LINGO2: variants seen among roughly 807,000 people sequenced by gnomAD.
LINGO2 encodes leucine-rich repeat and immunoglobulin-like domain-containing nogo receptor-interacting protein 2.
LINGO2 carries 14 observed loss-of-function variants against 30.6 expected under a neutral mutation model. The ratio of observed to expected loss-of-function variants is 0.46; its 90% CI spans 0.30 to 0.72. The LOEUF (loss-of-function observed/expected upper bound fraction) is 0.72. Ranked by LOEUF, LINGO2 falls within the 30% of genes least tolerant of loss-of-function variation. The probability of loss-of-function intolerance (pLI) is 0.07; values close to 1 mark genes in which losing one functional copy is unlikely to be tolerated. For synonymous variants in LINGO2, 317 were observed against 288.5 expected (o/e 1.10, Z -1.00); for missense variants, 729 against 751.7 (o/e 0.97, Z 0.35).
chr9:28,689,827 C>A, the LINGO2 span, among the ~76,000 whole-genome samples: 2 of 152,094 alleles, frequency 1.3e-5, no homozygotes, highest in Non-Finnish European at 2.9e-5. Flanking sequence ...ACCTAAATGA[C>A]CATCAATGAT....
At chr9:29,047,159 C>A in the LINGO2 span, among the ~76,000 whole-genome samples, 1 of 151,632 alleles carries the variant, frequency 6.6e-6, no homozygotes, top group African/African-American at 2.4e-5. Context: ...CCTATGCATC[C>A]AACAAAGGTC....
At chr9:28,829,884 C>T in the LINGO2 span, among the ~76,000 whole-genome samples, 5 of 152,034 alleles carry the variant, frequency 3.3e-5, no homozygotes, top group African/African-American at 1.2e-4. Context: ...AGAGAAACTC[C>T]ATCTCAAAAA....
At chr9:27,987,873 C>T (rs1189834172) in intron 5 of LINGO2, among the ~76,000 whole-genome samples, 2 of 151,930 alleles carry the variant, frequency 1.3e-5, no homozygotes, top group East Asian at 3.9e-4. Context: ...CCCTTTTATA[C>T]GTTAAGTTCT....
At chr9:28,945,452 T>C in the LINGO2 span, among the ~76,000 whole-genome samples, 1 of 152,174 alleles carries the variant, frequency 6.6e-6, no homozygotes, top group Non-Finnish European at 1.5e-5. Flanking sequence ...AGAACTATTA[T>C]TAACTCTTGT....
At chr9:29,081,431 T>C in the LINGO2 span, among the ~76,000 whole-genome samples, 1 of 152,136 alleles carries the variant, frequency 6.6e-6, no homozygotes, top group East Asian at 1.9e-4. Context: ...GGGATGTATC[T>C]CAAAATAATA....
the LINGO2 span, among the ~76,000 whole-genome samples, chr9:28,729,713 A>T: frequency 6.6e-6 from 1 of 152,054 alleles, no homozygotes; most frequent in Non-Finnish European, 1.5e-5. Context: ...AGGAAAAAAA[A>T]TATTAAAATC....
chr9:28,333,908 C>T (rs974042214), intron 3 of LINGO2, among the ~76,000 whole-genome samples: 1 of 152,040 alleles, frequency 6.6e-6, no homozygotes, highest in Non-Finnish European at 1.5e-5. Flanking sequence ...TTACAAATGA[C>T]CTTATTATAC....
chr9:28,445,996 G>C (rs1172049593), intron 2 of LINGO2, among the ~76,000 whole-genome samples: 1 of 152,078 alleles, frequency 6.6e-6, no homozygotes, highest in Non-Finnish European at 1.5e-5. Context: ...AGTAATTTGA[G>C]GATATATATC....
chr9:28,739,954 T>A, the LINGO2 span, among the ~76,000 whole-genome samples: 123 of 148,810 alleles, frequency 8.3e-4, no homozygotes, highest in East Asian at 2.1e-3. Context: ...ATATATATTT[T>A]TTTTTTCTAG....
intron 5 of LINGO2, among the ~76,000 whole-genome samples, chr9:27,959,691 G>C (rs10124328): frequency 0.024 from 3,710 of 152,162 alleles, 155 homozygotes; most frequent in African/African-American, 0.085. Flanking sequence ...TTGGACCAGC[G>C]TATGATCAAT....
At chr9:28,865,537 C>CT in the LINGO2 span, among the ~76,000 whole-genome samples, 1 of 152,116 alleles carries the variant, frequency 6.6e-6, no homozygotes, top group Non-Finnish European at 1.5e-5. Flanking sequence ...AATCCCAGCA[C>CT]TTTGAGAGGC....
At chr9:28,885,454 T>C in the LINGO2 span, among the ~76,000 whole-genome samples, 7 of 86,972 alleles carry the variant, frequency 8.0e-5, no homozygotes, top group East Asian at 2.1e-3. Flanking sequence ...CACACATATA[T>C]ACATACATAT....
At chr9:28,781,432 T>C in the LINGO2 span, among the ~76,000 whole-genome samples, 1 of 152,172 alleles carries the variant, frequency 6.6e-6, no homozygotes, top group African/African-American at 2.4e-5. Context: ...TCCATAAAGA[T>C]AGCACGCTGA....
chr9:28,617,347 G>C (rs963254528), intron 1 of LINGO2, among the ~76,000 whole-genome samples: 9 of 150,550 alleles, frequency 6.0e-5, no homozygotes, highest in African/African-American at 2.2e-4. Context: ...CCAGGCTGGA[G>C]TGCAGTGGCG....
At chr9:28,677,127 A>G in the LINGO2 span, among the ~76,000 whole-genome samples, 1 of 152,148 alleles carries the variant, frequency 6.6e-6, no homozygotes, top group African/African-American at 2.4e-5. Context: ...TTTTATCCCA[A>G]TTGAAAGTTA....
chr9:28,958,394 T>C, the LINGO2 span, among the ~76,000 whole-genome samples: 6 of 152,162 alleles, frequency 3.9e-5, no homozygotes, highest in East Asian at 1.9e-4. Context: ...ATTCAGACAA[T>C]AGAAGCAAAA....
chr9:28,167,794 A>C (rs1828473577), intron 4 of LINGO2, among the ~76,000 whole-genome samples: 2 of 152,330 alleles, frequency 1.3e-5, no homozygotes, highest in South Asian at 4.1e-4. Flanking sequence ...GCTGAAGCAG[A>C]AGTTGCTCAA....
chr9:28,943,360 A>T, the LINGO2 span, among the ~76,000 whole-genome samples: 1 of 150,172 alleles, frequency 6.7e-6, no homozygotes, highest in Admixed American at 6.6e-5. Context: ...CCAAGGAGGT[A>T]TGCTACAGAT....
chr9:28,363,053 GTATC>G (rs1019845271), intron 3 of LINGO2, among the ~76,000 whole-genome samples: 4 of 152,020 alleles, frequency 2.6e-5, no homozygotes, highest in African/African-American at 9.7e-5. Context: ...CATCAATTGA[GTATC>G]TACGGCAGGC....
Sources: gnomAD v4.1 joint callset for allele counts (sites outside exome capture counted in the v4.1 genomes callset) on GRCh38, gnomAD v4.1.1 for gene constraint, MANE v1.5 for transcripts, NCBI Gene and HGNC (gene_info 2026-07-23, HGNC 2026-07-21) for gene names.